Variants in MALRD1 observed in about 807,000 individuals in gnomAD.
MALRD1 encodes the protein MAM and LDL receptor class A domain containing 1.
Under a neutral mutation model 242.1 loss-of-function variants are expected in MALRD1, and 247 were observed. The observed-to-expected ratio is 1.02, with a 90% confidence interval of 0.92 to 1.13. The LOEUF (loss-of-function observed/expected upper bound fraction) is 1.13. Among genes scored for constraint, MALRD1 ranks in the 50% most tolerant of loss-of-function variants. MALRD1 has a pLI of 0.00. For synonymous variants in MALRD1, 995 were observed against 866.6 expected, an observed-to-expected ratio of 1.15 and a Z score of -2.60; for missense variants, 2,989 against 2,533.1, an observed-to-expected ratio of 1.18 and a Z score of -3.86.
chr10:19,498,791 C>A, intron 31 of MALRD1, 145 bp downstream of exon 31: 1 of 928,112 alleles, frequency 1.1e-6, no homozygotes, highest in Admixed American at 3.0e-5. Flanking sequence ...CTAGTCTCTT[C>A]TATTGCAAAC....
intron 18 of MALRD1, among the ~76,000 whole-genome samples, chr10:19,240,181 A>G (rs1378923806): frequency 1.3e-5 from 2 of 151,988 alleles, no homozygotes; most frequent in Non-Finnish European, 2.9e-5. Flanking sequence ...AGTGTGTTAT[A>G]GTTTTCATTG....
chr10:19,550,489 C>A (rs974439030), intron 32 of MALRD1, among the ~76,000 whole-genome samples: 17 of 152,222 alleles, frequency 1.1e-4, no homozygotes, highest in African/African-American at 3.6e-4. Context: ...CCCTCTACCT[C>A]CTTCCAACCT....
chr10:19,462,414 G>T (rs1835992951), intron 29 of MALRD1, among the ~76,000 whole-genome samples: 1 of 152,182 alleles, frequency 6.6e-6, no homozygotes. Flanking sequence ...AAAGGCGCTT[G>T]CCCACAATTT....
chr10:19,691,249 A>G (rs1244811243), intron 36 of MALRD1, among the ~76,000 whole-genome samples: 1 of 152,142 alleles, frequency 6.6e-6, no homozygotes, highest in Non-Finnish European at 1.5e-5. Flanking sequence ...TACTTTTAAA[A>G]TAATATTTGC....
rs141572396 is a variant in MALRD1, at chr10:19,279,765, T to A, written c.3080-282T>A. Among the ~76,000 whole-genome samples the A allele has an allele frequency of 2.7e-3, 410 of 152,342 alleles. 1 individual carries two copies. The highest frequency in any genetic ancestry group is 9.5e-3 in the African/African-American group (396 of 41,592). ...ACTCCCTTGGTTCCTGCTGATTCTC[T>A]AAGCCCTGGCCTTGGGCCTCCCATT... On this transcript the variant is annotated intron_variant, in intron 19 of 39. Coordinates refer to ENST00000454679, the MANE Select transcript of MALRD1 (RefSeq NM_001142308.3).
chr10:19,100,069 C>A (rs1311635204), intron 4 of MALRD1, among the ~76,000 whole-genome samples: 1 of 151,776 alleles, frequency 6.6e-6, no homozygotes, highest in Non-Finnish European at 1.5e-5. Flanking sequence ...AAATTTTTTT[C>A]TTTTTTTTAA....
At chr10:19,146,084 A>G in intron 10 of MALRD1, 114 bp from the exon 11 acceptor site, 1 of 716,710 alleles carries the variant, frequency 1.4e-6, no homozygotes, top group East Asian at 3.4e-5. Flanking sequence ...GAGAATATTC[A>G]CTACCAAGCA....
chr10:19,241,604 T>A (rs1838776591), intron 18 of MALRD1, among the ~76,000 whole-genome samples: 1 of 152,086 alleles, frequency 6.6e-6, no homozygotes, highest in Non-Finnish European at 1.5e-5. Flanking sequence ...TTGGGATTAG[T>A]TTGTTTTTGA....
chr10:19,731,619 C>A (rs767649785), intron 39 of MALRD1, among the ~76,000 whole-genome samples: 1 of 152,096 alleles, frequency 6.6e-6, no homozygotes, highest in Admixed American at 6.5e-5. Flanking sequence ...ATACATCCTG[C>A]ACAAAAACTT....
At chr10:19,338,916 C>G (rs1183727995) in intron 24 of MALRD1, among the ~76,000 whole-genome samples, 2 of 143,082 alleles carry the variant, frequency 1.4e-5, no homozygotes, top group Non-Finnish European at 3.0e-5. Flanking sequence ...ATATATAAAA[C>G]TACATATATA....
At chr10:19,698,919 T>C (rs899846109) in intron 38 of MALRD1, among the ~76,000 whole-genome samples, 2 of 152,086 alleles carry the variant, frequency 1.3e-5, no homozygotes, top group Non-Finnish European at 2.9e-5. Flanking sequence ...TGGGAACCAT[T>C]ATTCTTAGCA....
At chr10:19,508,642 T>C (rs896361851) in intron 31 of MALRD1, among the ~76,000 whole-genome samples, 3 of 152,174 alleles carry the variant, frequency 2.0e-5, no homozygotes, top group Non-Finnish European at 4.4e-5. Flanking sequence ...GCAAAGAATA[T>C]AAAATATTAT....
At chr10:19,585,278 C>G (rs558259357) in intron 33 of MALRD1, among the ~76,000 whole-genome samples, 2 of 151,094 alleles carry the variant, frequency 1.3e-5, no homozygotes, top group Non-Finnish European at 3.0e-5. Flanking sequence ...ATGATGTTAG[C>G]TGGTTATTTT....
intron 2 of MALRD1, among the ~76,000 whole-genome samples, chr10:19,076,224 A>G (rs752012619): frequency 6.6e-6 from 1 of 151,938 alleles, no homozygotes; most frequent in Non-Finnish European, 1.5e-5. Context: ...AGCCTGTGTA[A>G]TTTTGATAAA....
At chr10:19,584,796 T>A (rs896582173) in intron 33 of MALRD1, among the ~76,000 whole-genome samples, 1 of 151,980 alleles carries the variant, frequency 6.6e-6, no homozygotes, top group Non-Finnish European at 1.5e-5. Context: ...CTTTCTGTCT[T>A]GTTGATCTGT....
At chr10:19,556,523 G>A (rs922757288) in intron 32 of MALRD1, among the ~76,000 whole-genome samples, 5 of 151,876 alleles carry the variant, frequency 3.3e-5, no homozygotes, top group Non-Finnish European at 7.4e-5. Context: ...CAGTAACTAC[G>A]CTTTTCAGAT....
At chr10:19,598,233 C>T (rs2131567340) in intron 34 of MALRD1, 1 of 152,232 alleles carries the variant, frequency 6.6e-6, no homozygotes, top group East Asian at 1.9e-4. Context: ...AGAAAGGAAT[C>T]AACAGTGACT....
At chr10:19,695,079 G>C (rs1431670201) in intron 38 of MALRD1, among the ~76,000 whole-genome samples, 20 of 152,000 alleles carry the variant, frequency 1.3e-4, no homozygotes, top group Admixed American at 1.3e-3. Context: ...TCATGGGGTG[G>C]GGCTAGTGGG....
chr10:19,733,649 T>C (rs1374295890), intron 39 of MALRD1, among the ~76,000 whole-genome samples: 1 of 150,350 alleles, frequency 6.7e-6, no homozygotes, highest in African/African-American at 2.4e-5. Flanking sequence ...TTTTTTTTCT[T>C]GCACATTATT....
Sources: allele counts gnomAD v4.1 joint callset (sites outside exome capture counted in the v4.1 genomes callset), GRCh38; gene constraint gnomAD v4.1.1; transcripts MANE v1.5; gene names NCBI Gene and HGNC (gene_info 2026-07-23, HGNC 2026-07-21).